The following PDZRN3 variants were observed in gnomAD, a reference collection of about 807,000 sequenced individuals.
The protein encoded by PDZRN3 is PDZ domain containing ring finger 3, also known as E3 ubiquitin-protein ligase PDZRN3.
PDZRN3 carries 38 observed loss-of-function variants against 85.7 expected under a neutral mutation model. That is an observed-to-expected ratio of 0.44 (90% CI 0.34 to 0.58). The LOEUF is 0.58. Ranked by LOEUF, PDZRN3 falls within the 20% of genes least tolerant of loss-of-function variation. The pLI is 0.01. For missense variants in PDZRN3, 1,629 were observed against 1,506.4 expected (o/e 1.08, Z -1.35); for synonymous variants, 759 against 638.0 (o/e 1.19, Z -2.86).
chr3:73,488,003 T>C (rs1703696560), intron 3 of PDZRN3, among the ~76,000 whole-genome samples: 2 of 152,178 alleles, frequency 1.3e-5, no homozygotes, highest in South Asian at 4.1e-4. Flanking sequence ...CAATTTTAGA[T>C]AAGCTCTTTT....
At chr3:73,452,362 A>C (rs974456388) in intron 3 of PDZRN3, among the ~76,000 whole-genome samples, 1 of 152,260 alleles carries the variant, frequency 6.6e-6, no homozygotes, top group African/African-American at 2.4e-5. Context: ...TCTACCACCA[A>C]CATGATAATT....
intron 3 of PDZRN3, among the ~76,000 whole-genome samples, chr3:73,459,749 T>G (rs563817963): frequency 2.0e-5 from 3 of 152,368 alleles, no homozygotes; most frequent in East Asian, 3.9e-4. Context: ...TTATCGAATC[T>G]GTCATTGATG....
chr3:73,490,975 A>G (rs935734392), intron 3 of PDZRN3, among the ~76,000 whole-genome samples: 2 of 152,192 alleles, frequency 1.3e-5, no homozygotes, highest in Non-Finnish European at 2.9e-5. Context: ...CTGCAATATC[A>G]GGAGACAGCA....
chr3:73,456,138 G>T (rs769701965), intron 3 of PDZRN3, among the ~76,000 whole-genome samples: 1 of 152,126 alleles, frequency 6.6e-6, no homozygotes, highest in Non-Finnish European at 1.5e-5. Context: ...TTGTTCATAT[G>T]GTCTACGTAT....
At chr3:73,391,525 G>A (rs3845870) in intron 5 of PDZRN3, among the ~76,000 whole-genome samples, 18 of 152,068 alleles carry the variant, frequency 1.2e-4, no homozygotes, top group African/African-American at 9.7e-5. Context: ...TTCACATTGC[G>A]TTCCCTTAAT....
rs1701936267 is a variant in PDZRN3, at chr3:73,565,793, ACACACACACAC to A, written c.918+36550_918+36560del. 5.8e-3 allele frequency among the ~76,000 whole-genome samples: 839 copies of A among 145,160 alleles called. 10 individuals carry two copies. Among genetic ancestry groups the A allele is most frequent in the African/African-American group, 0.02 (743 of 36,362 alleles). ...TCTCTACTAAAAATACAAAACACAC[ACACACACACAC>A]ACACACACACACACACACACACACA... On this transcript the variant is annotated intron_variant, in intron 3 of 9. Coordinates refer to ENST00000263666, the MANE Select transcript of PDZRN3 (RefSeq NM_015009.3).
intron 3 of PDZRN3, among the ~76,000 whole-genome samples, chr3:73,466,968 A>G (rs4677287): frequency 0.11 from 16,575 of 152,154 alleles, 1,230 homozygotes; most frequent in East Asian, 0.3. Context: ...GGTAGATTCT[A>G]AAAAGGGGCA....
intron 1 of PDZRN3, chr3:73,623,796 C>G (rs1246596414): frequency 3.5e-6 from 1 of 284,110 alleles, no homozygotes; most frequent in African/African-American, 2.2e-5. Context: ...AGTTTTGACT[C>G]TGGAGCTGCA....
At chr3:73,420,722 C>G (rs1007013998) in intron 3 of PDZRN3, among the ~76,000 whole-genome samples, 3 of 152,298 alleles carry the variant, frequency 2.0e-5, no homozygotes, top group Non-Finnish European at 1.5e-5. Flanking sequence ...TGGCTGCCCC[C>G]ACCTTCTCTA....
At chr3:73,490,353 A>G (rs944136428) in intron 3 of PDZRN3, among the ~76,000 whole-genome samples, 3 of 152,186 alleles carry the variant, frequency 2.0e-5, no homozygotes, top group South Asian at 2.1e-4. Context: ...ACGAAGAGAA[A>G]TCACACTGTG....
At chr3:73,547,161 A>G (rs1701445876) in intron 3 of PDZRN3, among the ~76,000 whole-genome samples, 1 of 152,232 alleles carries the variant, frequency 6.6e-6, no homozygotes, top group African/African-American at 2.4e-5. Flanking sequence ...CCTAGGATAG[A>G]GGAGAAAAAA....
chr3:73,545,662 A>C (rs1402511489), intron 3 of PDZRN3, among the ~76,000 whole-genome samples: 1 of 152,340 alleles, frequency 6.6e-6, no homozygotes, highest in East Asian at 1.9e-4. Flanking sequence ...ACACTCCAGA[A>C]GTTCCAGTTT....
At position 73,574,883 on chromosome 3, in the gene PDZRN3, C is replaced by T. The variant is rs553062306; in HGVS notation, c.918+27471G>A. 3.3e-5 allele frequency among the ~76,000 whole-genome samples: 5 copies of T among 152,338 alleles called. No individual in the cohort carries two copies. The East Asian group carries it at 9.6e-4, about 29-fold the overall frequency. ...AGTTCAGCCCTGTGCTAAACAATCC[C>T]TTCATTTACAGCACAGTCCTATTGG... is the stretch of plus-strand genomic sequence containing the variant. On this transcript the variant is annotated intron_variant, in intron 3 of 9. Transcript: ENST00000263666.
chr3:73,384,216 C>T lies in PDZRN3; in HGVS notation c.2350G>A (p.Glu784Lys). ...SPDNSLRRAA[E>K]GISCPSSEGA... ...TCGCTGCTCGGGCAGCTGATGCCCT[C>T]CGCCGCTCTCCTCAAGGAGTTGTCG... The change falls in exon 10 of 10, where the codon GAG becomes AAG. Residue 784 changes from glutamate to lysine, a missense_variant. By Grantham distance (56) the Glu-to-Lys change is moderately conservative. Transcript: ENST00000263666. 6.2e-7 allele frequency: 1 copy of T among 1,613,882 alleles called. No homozygotes were observed. Among genetic ancestry groups the T allele is most frequent in the Non-Finnish European group, 8.5e-7 (1 of 1,180,034 alleles).
chr3:73,568,933 C>A (rs958087264), intron 3 of PDZRN3, among the ~76,000 whole-genome samples: 11 of 152,288 alleles, frequency 7.2e-5, no homozygotes, highest in Middle Eastern at 3.4e-3. Context: ...GAGATTTGCA[C>A]TGTAGCAGGG....
rs540207108 is a variant in PDZRN3, at chr3:73,590,018, C to T, written c.918+12336G>A. ...GCTCAGCGGCTCACGCATGTAATCC[C>T]AACACTTTGGGAGGCCAAGGCAGGT... is the stretch of plus-strand genomic sequence containing the variant. On this transcript the variant is annotated intron_variant, in intron 3 of 9. Transcript: ENST00000263666. Among the ~76,000 whole-genome samples, 72 of 151,988 alleles carry T rather than the reference C, an allele frequency of 4.7e-4. 1 individual carries two copies. The South Asian group carries it at 0.014, about 30-fold the overall frequency.
intron 7 of PDZRN3, 76 bp downstream of exon 7, chr3:73,389,740 C>T (rs1363335800): frequency 7.4e-6 from 8 of 1,082,018 alleles, no homozygotes; most frequent in Non-Finnish European, 1.2e-5. Flanking sequence ...ATTTTCAACC[C>T]TAGACCTATC....
In PDZRN3 at chr3:73,624,381, G is replaced by A; in HGVS notation, c.445C>T (p.Pro149Ser). The part of the protein sequence containing the change: ...VGRCQEGCGL[P>S]LTHGEQRAGG... ...GCGCGCTGCTCGCCGTGCGTCAAGG[G>A]TAGCCCGCAGCCCTCCTGGCAGCGG... The change falls in exon 1 of 10, where the codon CCC (proline) becomes TCC (serine). Residue 149 changes from proline (P) to serine (S), a missense_variant. Transcript: ENST00000263666. The A allele has an allele frequency of 7.6e-7, 1 of 1,315,016 alleles. No individual in the cohort carries two copies. Among genetic ancestry groups the A allele is most frequent in the South Asian group, 2.1e-5 (1 of 46,954 alleles). 81.5% of individuals were successfully genotyped at this position (1,315,016 alleles called of 1,614,324 possible). A position where few individuals can be genotyped will look rare whatever the true frequency, so the allele number is the denominator to read the frequency against.
chr3:73,389,973 C>T (rs1334805951), intron 6 of PDZRN3, 95 bp from the exon 7 acceptor site: 4 of 892,156 alleles, frequency 4.5e-6, no homozygotes, highest in South Asian at 2.7e-5. Context: ...CAGTCATGCT[C>T]ACCCCTGTGT....
Sources: allele counts gnomAD v4.1 joint callset (sites outside exome capture counted in the v4.1 genomes callset), GRCh38; gene constraint gnomAD v4.1.1; transcripts MANE v1.5; gene names NCBI Gene and HGNC (gene_info 2026-07-23, HGNC 2026-07-21).